Variants in EIF2B3 observed in about 807,000 individuals in gnomAD.
EIF2B3 encodes eukaryotic translation initiation factor 2B subunit gamma.
A neutral mutation model predicts 54.1 loss-of-function variants in EIF2B3; 20 were observed. The ratio of observed to expected loss-of-function variants is 0.37; its 90% confidence interval spans 0.26 to 0.54. The LOEUF (loss-of-function observed/expected upper bound fraction) is 0.54, where lower values mean the gene tolerates loss of function less well. Among genes scored for constraint, EIF2B3 ranks in the 20% least tolerant of loss-of-function variants. EIF2B3 has a pLI of 0.86. For synonymous variants in EIF2B3, 153 were observed against 188.1 expected, an observed-to-expected ratio of 0.81 and a Z score of 1.52; for missense variants, 448 against 547.8, an observed-to-expected ratio of 0.82 and a Z score of 1.82.
At chr1:44,927,883 G>A (rs1450862438) in intron 4 of EIF2B3, among the ~76,000 whole-genome samples, 3 of 152,098 alleles carry the variant, frequency 2.0e-5, no homozygotes, top group Non-Finnish European at 4.4e-5. Context: ...AGAGAGAGTG[G>A]CTGGGCAGTG....
At chr1:44,973,638 A>C (rs1644424150) in intron 3 of EIF2B3, among the ~76,000 whole-genome samples, 1 of 152,170 alleles carries the variant, frequency 6.6e-6, no homozygotes, top group Non-Finnish European at 1.5e-5. Context: ...TGGGAGGTAG[A>C]GGCTGCAGTG....
chr1:44,970,159 A>C (rs1644385511), intron 3 of EIF2B3: 1 of 152,240 alleles, frequency 6.6e-6, no homozygotes, highest in Non-Finnish European at 1.5e-5. Context: ...GTGTCCTTTA[A>C]GTGAAAAAAC....
At chr1:44,938,434 G>T (rs989590616) in intron 4 of EIF2B3, among the ~76,000 whole-genome samples, 3 of 151,562 alleles carry the variant, frequency 2.0e-5, no homozygotes, top group Non-Finnish European at 4.4e-5. Flanking sequence ...ATTGCTTGAG[G>T]TCAAGAGTTT....
chr1:44,899,733 T>C (rs1382395697), intron 5 of EIF2B3, among the ~76,000 whole-genome samples: 1 of 152,132 alleles, frequency 6.6e-6, no homozygotes. Flanking sequence ...ATACTGTTGG[T>C]GGGAATGTAA....
intron 3 of EIF2B3, among the ~76,000 whole-genome samples, chr1:44,943,353 C>T (rs954187282): frequency 6.7e-6 from 1 of 149,124 alleles, no homozygotes; most frequent in Non-Finnish European, 1.5e-5. Flanking sequence ...TCACAACAAC[C>T]ATATGCAGGA....
chr1:44,940,253 A>G (rs1226269771), intron 4 of EIF2B3, among the ~76,000 whole-genome samples: 1 of 152,214 alleles, frequency 6.6e-6, no homozygotes. Context: ...GTAACAAAAT[A>G]TGCCAACATA....
chr1:44,916,995 T>C (rs1001114569), intron 5 of EIF2B3, among the ~76,000 whole-genome samples: 2 of 152,188 alleles, frequency 1.3e-5, no homozygotes, highest in Non-Finnish European at 2.9e-5. Flanking sequence ...TTCCACTTGC[T>C]TTCCCTGAAA....
At chr1:44,985,161 A>C (rs533972221) in intron 1 of EIF2B3, among the ~76,000 whole-genome samples, 1 of 152,292 alleles carries the variant, frequency 6.6e-6, no homozygotes, top group South Asian at 2.1e-4. Flanking sequence ...CTAGACAGAG[A>C]CTAGATTATG....
chr1:44,977,689 T>C (rs1644467115), intron 3 of EIF2B3, among the ~76,000 whole-genome samples: 1 of 152,158 alleles, frequency 6.6e-6, no homozygotes, highest in Non-Finnish European at 1.5e-5. Flanking sequence ...GGTCTCAAAC[T>C]CCTGACCTCA....
intron 5 of EIF2B3, among the ~76,000 whole-genome samples, chr1:44,914,658 C>T (rs528063558): frequency 1.3e-5 from 2 of 150,338 alleles, no homozygotes; most frequent in South Asian, 2.1e-4. Flanking sequence ...AAAAAATTCT[C>T]CTTCCTTCCT....
intron 6 of EIF2B3, among the ~76,000 whole-genome samples, chr1:44,884,847 A>G (rs929389637): frequency 2.0e-5 from 3 of 152,244 alleles, no homozygotes; most frequent in African/African-American, 7.2e-5. Flanking sequence ...TGGCCCCATC[A>G]GGCAGAACCT....
rs57964686 is a variant in EIF2B3, at chr1:44,978,621, CTTTTTTTTT to C, written c.149-170_149-162del. On this transcript the variant is annotated intron_variant, in intron 2 of 11. Coordinates refer to ENST00000360403, the MANE Select transcript of EIF2B3 (RefSeq NM_020365.5). ...TTTACCTGCATTCCCCCAATAAATT[CTTTTTTTTT>C]TTTTTTTTTTTTTTTTTTTTTTTAC... Among the ~76,000 whole-genome samples the C allele has an allele frequency of 8.1e-4, 62 of 76,636 alleles. 1 individual carries two copies. Among genetic ancestry groups the C allele is most frequent in the East Asian group, 2.8e-3 (7 of 2,492 alleles). The allele number at this position is 76,636 out of a possible 152,430, so 50.3% of individuals were successfully genotyped here.
At chr1:44,957,394 T>C (rs538685373) in intron 3 of EIF2B3, among the ~76,000 whole-genome samples, 3 of 152,308 alleles carry the variant, frequency 2.0e-5, no homozygotes, top group East Asian at 1.9e-4. Flanking sequence ...ATAAAGTACA[T>C]GAACAATTTA....
chr1:44,935,009 A>C (rs968535004), intron 4 of EIF2B3, among the ~76,000 whole-genome samples: 2 of 152,230 alleles, frequency 1.3e-5, no homozygotes, highest in Non-Finnish European at 2.9e-5. Context: ...GGTGACAGCC[A>C]AGTAAGAGTT....
intron 3 of EIF2B3, among the ~76,000 whole-genome samples, chr1:44,969,442 G>C (rs1000688478): frequency 6.6e-6 from 1 of 152,124 alleles, no homozygotes; most frequent in East Asian, 1.9e-4. Flanking sequence ...TTATATTTAT[G>C]AGGCAACTGA....
intron 6 of EIF2B3, among the ~76,000 whole-genome samples, chr1:44,891,097 TA>T (rs1480122435): frequency 1.3e-5 from 2 of 152,136 alleles, no homozygotes; most frequent in Non-Finnish European, 2.9e-5. Context: ...AGACTTTTTT[TA>T]AATTTTTAAA....
At position 44,941,364 on chromosome 1, in the gene EIF2B3, T is replaced by G. The variant is rs975508648; in HGVS notation, c.454+142A>C. 4 of 949,872 alleles carry G rather than the reference T, an allele frequency of 4.2e-6. No homozygotes were observed. The Middle Eastern group carries it at 9.8e-4, about 233-fold the overall frequency. 58.8% of individuals were successfully genotyped at this position (949,872 alleles called of 1,614,324 possible). A position where few individuals can be genotyped will look rare whatever the true frequency, so the allele number is the denominator to read the frequency against. On this transcript the variant is annotated intron_variant, in intron 4 of 11. Transcript: ENST00000360403. The stretch of plus-strand genomic sequence containing the variant: ...CATTTTCCATTCAGGGACTGTGTCT[T>G]ATTTGACTTTATGTCATCAACTCCT...
At chr1:44,951,485 C>T (rs1468920747) in intron 3 of EIF2B3, among the ~76,000 whole-genome samples, 1 of 152,096 alleles carries the variant, frequency 6.6e-6, no homozygotes, top group African/African-American at 2.4e-5. Context: ...TGGTCCATCA[C>T]TATAAATACT....
At chr1:44,901,433 T>C (rs932417867) in intron 5 of EIF2B3, among the ~76,000 whole-genome samples, 7 of 152,150 alleles carry the variant, frequency 4.6e-5, no homozygotes, top group African/African-American at 1.7e-4. Context: ...GATTTTTTTA[T>C]AGAGATAGGG....
Sources: allele counts gnomAD v4.1 joint callset (sites outside exome capture counted in the v4.1 genomes callset), GRCh38; gene constraint gnomAD v4.1.1; transcripts MANE v1.5; gene names NCBI Gene and HGNC (gene_info 2026-07-23, HGNC 2026-07-21).